The following GALNT16 variants were observed in gnomAD, a reference collection of about 807,000 sequenced individuals.
The protein encoded by GALNT16 is UDP-GalNAc:polypeptide N-acetylgalactosaminyltransferase-like protein 1.
In GALNT16, 40 loss-of-function variants were observed where a neutral mutation model predicts 76.1. The observed-to-expected ratio is 0.53, with a 90% CI of 0.41 to 0.68. The LOEUF (loss-of-function observed/expected upper bound fraction) is 0.68. Ranked by LOEUF, GALNT16 falls within the 30% of genes least tolerant of loss-of-function variation. GALNT16 has a pLI of 0.00. For synonymous variants in GALNT16, 276 were observed against 285.2 expected (o/e 0.97, Z 0.32); for missense variants, 621 against 731.9 (o/e 0.85, Z 1.75).
chr14:69,300,861 C>T (rs2140140154), intron 1 of GALNT16, among the ~76,000 whole-genome samples: 1 of 152,344 alleles, frequency 6.6e-6, no homozygotes, highest in East Asian at 1.9e-4. Context: ...GTCAGAGGTA[C>T]CAACTTGGGA....
At chr14:69,350,241 C>T (rs1299499568) in intron 14 of GALNT16, 1 of 152,160 alleles carries the variant, frequency 6.6e-6, no homozygotes, top group Non-Finnish European at 1.5e-5. Context: ...GGGTGCCTAC[C>T]TTGTGCCAGA....
At chr14:69,312,054 AATCTGTCT>A (rs3045601) in intron 1 of GALNT16, among the ~76,000 whole-genome samples, 1,948 of 125,708 alleles carry the variant, frequency 0.015, 19 homozygotes, top group African/African-American at 0.023. Context: ...AAAAAAAAAA[AATCTGTCT>A]ATCTATCTAT....
intron 1 of GALNT16, among the ~76,000 whole-genome samples, chr14:69,319,022 G>A (rs1213992739): frequency 6.6e-6 from 1 of 152,140 alleles, no homozygotes. Context: ...TGGGGGCTCC[G>A]CCACATCTGT....
At position 69,275,794 on chromosome 14, in the gene GALNT16, T is replaced by A. The variant is rs950108905; in HGVS notation, c.177+15327T>A. Among the ~76,000 whole-genome samples the A allele has an allele frequency of 4.6e-5, 7 of 152,336 alleles. 1 individual carries two copies. In the South Asian group the frequency reaches 1.5e-3, roughly 32 times the overall value. ...AAGATTGCTTGAGTCTGGGAGGTCA[T>A]GAGGCTGCAGTGAGCTATGATCATG... is the stretch of plus-strand genomic sequence containing the variant. On this transcript the variant is annotated intron_variant, in intron 1 of 14. Coordinates refer to ENST00000448469, the MANE Select transcript of GALNT16 (RefSeq NM_001168368.2).
At chr14:69,326,695 G>T (rs1278455937) in intron 5 of GALNT16, among the ~76,000 whole-genome samples, 1 of 152,248 alleles carries the variant, frequency 6.6e-6, no homozygotes, top group Non-Finnish European at 1.5e-5. Context: ...GCATCAGTCA[G>T]GGGTATGGGC....
chr14:69,325,815 C>T (rs573605135), intron 4 of GALNT16, 147 bp from the exon 5 acceptor site: 153 of 672,892 alleles, frequency 2.3e-4, no homozygotes, highest in African/African-American at 2.0e-3. Context: ...GGCAACCCTT[C>T]GGCCAGTAGT....
intron 1 of GALNT16, among the ~76,000 whole-genome samples, chr14:69,280,565 T>A (rs1299549784): frequency 1.3e-5 from 2 of 152,202 alleles, no homozygotes; most frequent in African/African-American, 2.4e-5. Context: ...TATGCAGAAG[T>A]GGAATTCCTG....
chr14:69,284,148 CCTT>C (rs2044579206), intron 1 of GALNT16, among the ~76,000 whole-genome samples: 1 of 152,186 alleles, frequency 6.6e-6, no homozygotes, highest in Non-Finnish European at 1.5e-5. Context: ...TGGACCTCCT[CCTT>C]ATCTTCCCCC....
the GALNT16 span, among the ~76,000 whole-genome samples, chr14:69,368,778 C>T: frequency 6.6e-6 from 1 of 152,186 alleles, no homozygotes; most frequent in African/African-American, 2.4e-5. Flanking sequence ...CAGAACATTT[C>T]TTGGGATCTT....
intron 1 of GALNT16, among the ~76,000 whole-genome samples, chr14:69,288,191 G>T (rs1392395989): frequency 1.3e-5 from 2 of 152,202 alleles, no homozygotes; most frequent in Admixed American, 1.3e-4. Context: ...GGAAATGAAG[G>T]TCAGGAGAGA....
intron 6 of GALNT16, among the ~76,000 whole-genome samples, chr14:69,331,183 G>T (rs1200552703): frequency 1.3e-5 from 2 of 152,212 alleles, no homozygotes; most frequent in Non-Finnish European, 2.9e-5. Context: ...GTCAAGGAAG[G>T]CTTCATGGAG....
chr14:69,368,530 C>A, the GALNT16 span, among the ~76,000 whole-genome samples: 3 of 152,186 alleles, frequency 2.0e-5, no homozygotes, highest in African/African-American at 7.2e-5. Context: ...AGAGAGCACA[C>A]CTAAGATGGA....
Position 69,342,529 on chromosome 14 carries a change from G to GGAAAA in GALNT16, c.1271+777_1271+781dup, listed in dbSNP as rs72142887. On this transcript the variant is annotated intron_variant, in intron 12 of 14. Transcript: ENST00000448469. ...GGGAGGAAGGAAGGGGAGAGGGAGAGGAAAAGAAAAGAAAAGGAGAGAATC... is the reference window on the plus strand; with the variant it reads ...GGGAGGAAGGAAGGGGAGAGGGAGAGGAAAAGAAAAGAAAAGAAAAGGAGAGAATC... Among the ~76,000 whole-genome samples, 22 of 118,204 alleles carry GGAAAA rather than the reference G, an allele frequency of 1.9e-4. 1 individual carries two copies. The highest frequency in any genetic ancestry group is 3.7e-5 in the Non-Finnish European group (2 of 53,554). The allele number at this position is 118,204 out of a possible 152,430, so 77.5% of individuals were successfully genotyped here. A position where few individuals can be genotyped will look rare whatever the true frequency, so the allele number is the denominator to read the frequency against.
At chr14:69,296,842 T>C (rs1278615471) in intron 1 of GALNT16, among the ~76,000 whole-genome samples, 3 of 139,162 alleles carry the variant, frequency 2.2e-5, no homozygotes, top group Middle Eastern at 3.3e-3. Context: ...GATAGATAGA[T>C]AGATGCCTTT....
chr14:69,383,265 T>G, the GALNT16 span, among the ~76,000 whole-genome samples: 1 of 152,254 alleles, frequency 6.6e-6, no homozygotes, highest in Admixed American at 6.5e-5. Context: ...CAGTTTGCTC[T>G]GGGTTTAGTC....
At chr14:69,273,161 C>T (rs1363948141) in intron 1 of GALNT16, among the ~76,000 whole-genome samples, 1 of 152,226 alleles carries the variant, frequency 6.6e-6, no homozygotes, top group Non-Finnish European at 1.5e-5. Flanking sequence ...TCATTAAAAA[C>T]AAGGTCAATA....
chr14:69,308,937 G>A (rs756783933), intron 1 of GALNT16, among the ~76,000 whole-genome samples: 3 of 152,096 alleles, frequency 2.0e-5, no homozygotes, highest in Non-Finnish European at 4.4e-5. Context: ...AATTATTCTT[G>A]AACTTTGCCA....
the GALNT16 span, chr14:69,380,302 T>C: frequency 1.5e-5 from 6 of 390,380 alleles, no homozygotes; most frequent in Admixed American, 8.8e-5. Context: ...ACAACTTCCA[T>C]CTAAATCATC....
Position 69,313,292 on chromosome 14 carries a change from C to T in GALNT16, c.178-7419C>T, listed in dbSNP as rs74679632. Among the ~76,000 whole-genome samples, 9 of 152,346 alleles carry T rather than the reference C, an allele frequency of 5.9e-5. No homozygotes were observed. The East Asian group carries it at 9.6e-4, about 16-fold the overall frequency. ...GCGAAACTGATAAGCAGATGCAAGC[C>T]GAGCATCACATATCTCTGGCATGGA... On this transcript the variant is annotated intron_variant, in intron 1 of 14. Coordinates refer to ENST00000448469, the MANE Select transcript of GALNT16 (RefSeq NM_001168368.2).
Sources: allele counts gnomAD v4.1 joint callset (sites outside exome capture counted in the v4.1 genomes callset), GRCh38; gene constraint gnomAD v4.1.1; transcripts MANE v1.5; gene names NCBI Gene and HGNC (gene_info 2026-07-23, HGNC 2026-07-21).